The following FEM1B variants were observed in gnomAD, a reference collection of about 807,000 sequenced individuals.
FEM1B encodes the protein protein fem-1 homolog B.
A neutral mutation model predicts 38.6 loss-of-function variants in FEM1B; 10 were observed. The observed-to-expected ratio is 0.26, with a 90% confidence interval of 0.16 to 0.44. The LOEUF (loss-of-function observed/expected upper bound fraction) is 0.44, where lower values mean the gene tolerates loss of function less well. Among genes scored for constraint, FEM1B ranks in the 20% least tolerant of loss-of-function variants. The pLI, the probability that FEM1B is intolerant of heterozygous loss-of-function variation, is 1.00. For synonymous variants in FEM1B, 288 were observed against 288.0 expected (o/e 1.00, Z 0.00); for missense variants, 471 against 786.7 (o/e 0.60, Z 4.80).
intron 1 of FEM1B, among the ~76,000 whole-genome samples, chr15:68,282,348 T>G (rs1370814147): frequency 6.6e-6 from 1 of 152,216 alleles, no homozygotes; most frequent in East Asian, 1.9e-4. Context: ...GTATTTGACT[T>G]CATTTAGAAA....
chr15:68,283,948 T>C (rs926750585), intron 1 of FEM1B, among the ~76,000 whole-genome samples: 1 of 151,594 alleles, frequency 6.6e-6, no homozygotes, highest in African/African-American at 2.4e-5. Context: ...TGCAATGGCG[T>C]GATCTTGGCT....
At chr15:68,282,028 G>C (rs1398089381) in intron 1 of FEM1B, among the ~76,000 whole-genome samples, 2 of 152,182 alleles carry the variant, frequency 1.3e-5, no homozygotes, top group South Asian at 4.1e-4. Flanking sequence ...GAGTGGGAAT[G>C]AAAGAAGATC....
Position 68,277,763 on chromosome 15 carries a change from C to T in FEM1B, c.-655C>T, listed in dbSNP as rs1892671199. On this transcript the variant is annotated 5_prime_UTR_variant, in exon 1 of 2. Coordinates refer to ENST00000306917, the MANE Select transcript of FEM1B (RefSeq NM_015322.5). ...TCCCGCCCTCTCCTCCCGGCCCTGT[C>T]TGCGAAAGCTCGTCTTCCTCCCCGC... 6.6e-6 allele frequency: 1 copy of T among 152,350 alleles called. No homozygotes were observed. Among genetic ancestry groups the T allele is most frequent in the Admixed American group, 6.5e-5 (1 of 15,288 alleles). The allele number at this position is 152,350 out of a possible 1,614,324, so 9.4% of individuals were successfully genotyped here. A position where few individuals can be genotyped will look rare whatever the true frequency, so the allele number is the denominator to read the frequency against.
rs1465191074 is a variant in FEM1B at position 68,294,034 on chromosome 15, G to A, written c.*2792G>A. 6.6e-6 allele frequency: 1 copy of A among 152,150 alleles called. No individual in the cohort carries two copies. The highest frequency in any genetic ancestry group is 1.5e-5 in the Non-Finnish European group (1 of 68,014). The allele number at this position is 152,150 out of a possible 1,614,324, so 9.4% of individuals were successfully genotyped here. On this transcript the variant is annotated 3_prime_UTR_variant, in exon 2 of 2. Transcript: ENST00000306917. The surrounding 1 kb of genome is among the most constrained non-coding windows in gnomAD (Gnocchi z 4.4). Reference sequence around the variant, plus strand: ...AATCTGGATGAGCTAGGGAGGCCCAGGTGGATGTTTTCATTCGCAAATCAT... The same window carrying A: ...AATCTGGATGAGCTAGGGAGGCCCAAGTGGATGTTTTCATTCGCAAATCAT...
rs1892683557 is a variant in FEM1B, at chr15:68,278,257, C to T, written c.-161C>T. ...CACTCGGCCTCCTCTGCGTCTCCGC[C>T]TTCCCTGGGCCGCACTGCTGCCTGG... On this transcript the variant is annotated 5_prime_UTR_variant, in exon 1 of 2. Transcript: ENST00000306917. This position sits in a 1 kb window ranked among gnomAD's most constrained non-coding sequence, Gnocchi z 5.7. 3.1e-6 allele frequency: 3 copies of T among 957,658 alleles called. No individual in the cohort carries two copies. In the African/African-American group the frequency reaches 5.0e-5, roughly 16 times the overall value. 59.3% of individuals were successfully genotyped at this position (957,658 alleles called of 1,614,324 possible).
Position 68,278,610 on chromosome 15 carries a change from C to T in FEM1B, c.193C>T (p.Leu65Phe). ...TGGACACGCAAAGGTGGTACGCTTGCTCTTAGAACATTACCGGGTGCAGAC... is the reference window on the plus strand; with the variant it reads ...TGGACACGCAAAGGTGGTACGCTTGTTCTTAGAACATTACCGGGTGCAGAC... ...RNGHAKVVRL[L>F]LEHYRVQTQQ... Residue 65 changes from leucine to phenylalanine, a missense_variant, in exon 1 of 2, where the codon CTC becomes TTC. By Grantham distance (22) the Leu-to-Phe change is conservative (BLOSUM62 0). Coordinates refer to ENST00000306917, the MANE Select transcript of FEM1B (RefSeq NM_015322.5). This position sits in a 1 kb window ranked among gnomAD's most constrained non-coding sequence, Gnocchi z 5.7. 1 of 1,614,138 alleles carries T rather than the reference C, an allele frequency of 6.2e-7. No individual in the cohort carries two copies. The highest frequency in any genetic ancestry group is 8.5e-7 in the Non-Finnish European group (1 of 1,180,036).
Position 68,283,502 on chromosome 15 carries a change from T to TAAAAA in FEM1B, c.248+4863_248+4867dup, listed in dbSNP as rs60432847. Among the ~76,000 whole-genome samples the TAAAAA allele has an allele frequency of 2.4e-4, 17 of 71,982 alleles. 1 individual carries two copies. The highest frequency in any genetic ancestry group is 1.0e-3 in the African/African-American group (16 of 15,510). 47.2% of individuals were successfully genotyped at this position (71,982 alleles called of 152,430 possible). On this transcript the variant is annotated intron_variant, in intron 1 of 1. Coordinates refer to ENST00000306917, the MANE Select transcript of FEM1B (RefSeq NM_015322.5). ...AACATAGTGAGACCTCATCTCTACCTAAAAAAAAAAAAAAAAAAAAAAAAA... is the reference window on the plus strand; with the variant it reads ...AACATAGTGAGACCTCATCTCTACCTAAAAAAAAAAAAAAAAAAAAAAAAAAAAAA...
rs933283226 is a variant in FEM1B, at chr15:68,281,033, C to T, written c.248+2368C>T. 6.6e-5 allele frequency among the ~76,000 whole-genome samples: 10 copies of T among 152,196 alleles called. No homozygotes were observed. Among genetic ancestry groups the T allele is most frequent in the African/African-American group, 2.4e-4 (10 of 41,442 alleles). On this transcript the variant is annotated intron_variant, in intron 1 of 1. Coordinates refer to ENST00000306917, the MANE Select transcript of FEM1B (RefSeq NM_015322.5). This position sits in a 1 kb window ranked among gnomAD's most constrained non-coding sequence, Gnocchi z 5.1. ...GGTACTCTCTGTGCATTCACACCTT[C>T]TGTGAGATTATTTTGCAGTTTATCC...
Position 68,290,569 on chromosome 15 carries a change from C to T in FEM1B, c.1211C>T (p.Ala404Val), listed in dbSNP as rs545856799. The T allele has an allele frequency of 6.2e-7, 1 of 1,614,038 alleles. No homozygotes were observed. The highest frequency in any genetic ancestry group is 1.1e-5 in the South Asian group (1 of 91,066). The change falls in exon 2 of 2, where the codon GCC (alanine) becomes GTC (valine). Residue 404 changes from alanine to valine, a missense_variant. Around this residue, in one of 3 missense-constraint regions of FEM1B, gnomAD observed 380 missense variants for 599.6 expected, o/e 0.63. Transcript: ENST00000306917. This position sits in a 1 kb window ranked among gnomAD's most constrained non-coding sequence, Gnocchi z 9.7. ...QMIHLNETVKAPDIECVLRCS... is the reference protein window; with the variant it reads ...QMIHLNETVKVPDIECVLRCS... ...ATACATTTGAATGAAACTGTGAAGG[C>T]CCCAGACATAGAATGTGTTTTGAGA...
rs1892863965 is a variant in FEM1B at position 68,293,025 on chromosome 15, G to T, written c.*1783G>T. 6.6e-6 allele frequency: 1 copy of T among 152,126 alleles called. No individual in the cohort carries two copies. The highest frequency in any genetic ancestry group is 1.5e-5 in the Non-Finnish European group (1 of 67,992). The allele number at this position is 152,126 out of a possible 1,614,324, so 9.4% of individuals were successfully genotyped here. A position where few individuals can be genotyped will look rare whatever the true frequency, so the allele number is the denominator to read the frequency against. ...CCTAACCTGAGATTTTACAAGGAAG[G>T]TTTTTAGGTTGGCTTAAATGGAGGT... On this transcript the variant is annotated 3_prime_UTR_variant, in exon 2 of 2. Coordinates refer to ENST00000306917, the MANE Select transcript of FEM1B (RefSeq NM_015322.5). This position sits in a 1 kb window ranked among gnomAD's most constrained non-coding sequence, Gnocchi z 5.8.
At position 68,280,896 on chromosome 15, in the gene FEM1B, G is replaced by A. The variant is rs553383332; in HGVS notation, c.248+2231G>A. On this transcript the variant is annotated intron_variant, in intron 1 of 1. Coordinates refer to ENST00000306917, the MANE Select transcript of FEM1B (RefSeq NM_015322.5). The surrounding 1 kb of genome is among the most constrained non-coding windows in gnomAD (Gnocchi z 4.2). The stretch of plus-strand genomic sequence containing the variant: ...AAAATAGTCCTTATTAAATGCTTGT[G>A]ATGGGCCTAGCCTGTGTCATGTTCT... Among the ~76,000 whole-genome samples the A allele has an allele frequency of 6.6e-6, 1 of 152,316 alleles. No individual in the cohort carries two copies. The highest frequency in any genetic ancestry group is 2.4e-5 in the African/African-American group (1 of 41,572).
At chr15:68,282,310 G>C (rs996415049) in intron 1 of FEM1B, among the ~76,000 whole-genome samples, 1 of 152,036 alleles carries the variant, frequency 6.6e-6, no homozygotes, top group African/African-American at 2.4e-5. Context: ...AAATGTTGAG[G>C]CGGAGGAAAG....
Position 68,277,982 on chromosome 15 carries a change from G to A in FEM1B, c.-436G>A. 1 of 179,368 alleles carries A rather than the reference G, an allele frequency of 5.6e-6. No individual in the cohort carries two copies. The highest frequency in any genetic ancestry group is 1.2e-5 in the Non-Finnish European group (1 of 86,218). The allele number at this position is 179,368 out of a possible 1,614,324, so 11.1% of individuals were successfully genotyped here. A position where few individuals can be genotyped will look rare whatever the true frequency, so the allele number is the denominator to read the frequency against. ...CAGTGTTAGGCCTTAGGCCGGGTGG[G>A]CCGGGTCAGGAGAGACGCGCCCATC... On this transcript the variant is annotated 5_prime_UTR_variant, in exon 1 of 2. Coordinates refer to ENST00000306917, the MANE Select transcript of FEM1B (RefSeq NM_015322.5).
chr15:68,295,770 G>C lies in FEM1B; in HGVS notation c.*4528G>C, dbSNP rs1375135237. The C allele has an allele frequency of 6.6e-6, 1 of 152,102 alleles. No individual in the cohort carries two copies. Among genetic ancestry groups the C allele is most frequent in the Non-Finnish European group, 1.5e-5 (1 of 68,022 alleles). The allele number at this position is 152,102 out of a possible 1,614,324, so 9.4% of individuals were successfully genotyped here. ...AGTCATTTTTAGTTTCATGGCAATT[G>C]ACAGTCCTAATAACTCAGCTAATTT... On this transcript the variant is annotated 3_prime_UTR_variant, in exon 2 of 2. Transcript: ENST00000306917.
At chr15:68,279,070 A>T (rs937203636) in intron 1 of FEM1B, among the ~76,000 whole-genome samples, 1 of 152,164 alleles carries the variant, frequency 6.6e-6, no homozygotes, top group African/African-American at 2.4e-5. Context: ...ACTCCGAAAG[A>T]GTTATTTGGG....
At position 68,294,037 on chromosome 15, in the gene FEM1B, G is replaced by A. The variant is rs1245842967; in HGVS notation, c.*2795G>A. ...CTGGATGAGCTAGGGAGGCCCAGGT[G>A]GATGTTTTCATTCGCAAATCATGAG... On this transcript the variant is annotated 3_prime_UTR_variant, in exon 2 of 2. Transcript: ENST00000306917. The surrounding 1 kb of genome is among the most constrained non-coding windows in gnomAD (Gnocchi z 4.4). The A allele has an allele frequency of 6.6e-6, 1 of 152,122 alleles. No individual in the cohort carries two copies. Among genetic ancestry groups the A allele is most frequent in the African/African-American group, 2.4e-5 (1 of 41,438 alleles). The allele number at this position is 152,122 out of a possible 1,614,324, so 9.4% of individuals were successfully genotyped here. A position where few individuals can be genotyped will look rare whatever the true frequency, so the allele number is the denominator to read the frequency against.
In FEM1B at chr15:68,291,480, A is replaced by G. The variant is rs1345824154; in HGVS notation, c.*238A>G. ...TAAGGTATTTGCATATTGGTTACCT[A>G]TTTGTCTTTCTTTTTTTTAAAGGAA... is the stretch of plus-strand genomic sequence containing the variant. On this transcript the variant is annotated 3_prime_UTR_variant, in exon 2 of 2. Coordinates refer to ENST00000306917, the MANE Select transcript of FEM1B (RefSeq NM_015322.5). This position sits in a 1 kb window ranked among gnomAD's most constrained non-coding sequence, Gnocchi z 6.9. 5 of 427,494 alleles carry G rather than the reference A, an allele frequency of 1.2e-5. No homozygotes were observed. Among genetic ancestry groups the G allele is most frequent in the African/African-American group, 4.1e-5 (2 of 48,798 alleles). The allele number at this position is 427,494 out of a possible 1,614,324, so 26.5% of individuals were successfully genotyped here. A position where few individuals can be genotyped will look rare whatever the true frequency, so the allele number is the denominator to read the frequency against.
chr15:68,278,298 C>A lies in FEM1B; in HGVS notation c.-120C>A. ...TGCTGCCTGGGCGCGGCGGCGGCGACGGCGCCCTGTTGAATGGGCTGTGAG... is the reference window on the plus strand; with the variant it reads ...TGCTGCCTGGGCGCGGCGGCGGCGAAGGCGCCCTGTTGAATGGGCTGTGAG... On this transcript the variant is annotated 5_prime_UTR_variant, in exon 1 of 2. Coordinates refer to ENST00000306917, the MANE Select transcript of FEM1B (RefSeq NM_015322.5). The surrounding 1 kb of genome is among the most constrained non-coding windows in gnomAD (Gnocchi z 5.7). 7.4e-7 allele frequency: 1 copy of A among 1,346,168 alleles called. No individual in the cohort carries two copies. The highest frequency in any genetic ancestry group is 9.9e-7 in the Non-Finnish European group (1 of 1,007,968). 83.4% of individuals were successfully genotyped at this position (1,346,168 alleles called of 1,614,324 possible). A position where few individuals can be genotyped will look rare whatever the true frequency, so the allele number is the denominator to read the frequency against.
At position 68,290,003 on chromosome 15, in the gene FEM1B, G is replaced by A. The variant is rs759860096; in HGVS notation, c.645G>A (p.Val215=). ...TAAAATGGCGTGCTGCTATAGTAGT[G>A]AATGGCCATGGGATGACGCCATTGA... The part of the protein sequence containing the change: ...ELIKWRAAIV[V]NGHGMTPLKV... Residue 215 remains valine (V), a synonymous_variant, in exon 2 of 2, where the codon GTG becomes GTA. Transcript: ENST00000306917. This position sits in a 1 kb window ranked among gnomAD's most constrained non-coding sequence, Gnocchi z 9.7. 12 of 1,614,238 alleles carry A rather than the reference G, an allele frequency of 7.4e-6. No homozygotes were observed. The highest frequency in any genetic ancestry group is 1.0e-5 in the Non-Finnish European group (12 of 1,180,044).
Sources: gnomAD v4.1 joint callset for allele counts (sites outside exome capture counted in the v4.1 genomes callset) on GRCh38, gnomAD v4.1.1 for gene constraint, gnomAD v4.1.1 regional missense constraint, Gnocchi (gnomAD v3.1) non-coding constraint, MANE v1.5 for transcripts, NCBI Gene and HGNC (gene_info 2026-07-23, HGNC 2026-07-21) for gene names.